SORCS1: variants seen among roughly 807,000 people sequenced by gnomAD.
SORCS1 encodes the protein sortilin related VPS10 domain containing receptor 1.
SORCS1 carries 60 observed loss-of-function variants against 146.1 expected under a neutral mutation model. The ratio of observed to expected loss-of-function variants is 0.41; its 90% CI spans 0.33 to 0.51. The LOEUF (loss-of-function observed/expected upper bound fraction) is 0.51, where lower values mean the gene tolerates loss of function less well. Ranked by LOEUF, SORCS1 falls within the 20% of genes least tolerant of loss-of-function variation. The pLI, the probability that SORCS1 is intolerant of heterozygous loss-of-function variation, is 0.21. For missense variants in SORCS1, 1,352 were observed against 1,487.6 expected, an observed-to-expected ratio of 0.91 and a Z score of 1.50; for synonymous variants, 637 against 584.0, an observed-to-expected ratio of 1.09 and a Z score of -1.31.
At chr10:106,935,445 GTTGACCTGTCTGGGTCTACCT>G (rs904796679) in intron 2 of SORCS1, among the ~76,000 whole-genome samples, 5 of 152,044 alleles carry the variant, frequency 3.3e-5, no homozygotes, top group African/African-American at 1.2e-4. Context: ...ATGATAGTGG[GTTGACCTGTCTGGGTCTACCT>G]GCAGTCAACC....
At position 106,671,256 on chromosome 10, in the gene SORCS1, T is replaced by C. The variant is rs1244628156; in HGVS notation, c.2170A>G (p.Thr724Ala). 1.2e-6 allele frequency: 2 copies of C among 1,614,178 alleles called. No homozygotes were observed. The highest frequency in any genetic ancestry group is 1.7e-6 in the Non-Finnish European group (2 of 1,179,994). Reference sequence around the variant, plus strand: ...GCTCACCAATCAAAATCAGCCTCAGTGCAGACACAGGGTTCAGATTCCATA... The same window carrying C: ...GCTCACCAATCAAAATCAGCCTCAGCGCAGACACAGGGTTCAGATTCCATA... ...GAMESEPCVC[T>A]EADFDCDYGY... The change falls in exon 16 of 26, where the codon ACT (threonine) becomes GCT (alanine). Residue 724 changes from threonine to alanine, a missense_variant. By Grantham distance (58) the Thr-to-Ala change is moderately conservative (BLOSUM62 0). Coordinates refer to ENST00000263054, the MANE Select transcript of SORCS1 (RefSeq NM_052918.5).
At chr10:106,804,294 CT>C (rs1357871006) in intron 3 of SORCS1, among the ~76,000 whole-genome samples, 2 of 151,710 alleles carry the variant, frequency 1.3e-5, no homozygotes, top group African/African-American at 4.8e-5. Context: ...GATTGCATGA[CT>C]GCACTCTAGA....
intron 1 of SORCS1, among the ~76,000 whole-genome samples, chr10:106,962,746 C>G (rs1036271353): frequency 2.6e-5 from 4 of 152,188 alleles, no homozygotes; most frequent in Admixed American, 6.5e-5. Context: ...CTCCACAGCA[C>G]TTAGCCATAC....
intron 1 of SORCS1, among the ~76,000 whole-genome samples, chr10:107,058,781 C>T (rs948350324): frequency 1.3e-5 from 2 of 152,234 alleles, no homozygotes; most frequent in Admixed American, 6.5e-5. Flanking sequence ...TTACTAAATA[C>T]CATTATATGA....
chr10:106,657,690 TA>T (rs950429922), intron 17 of SORCS1, among the ~76,000 whole-genome samples: 3 of 147,780 alleles, frequency 2.0e-5, no homozygotes, highest in South Asian at 2.1e-4. Context: ...TGTGTGTGTG[TA>T]TTTTTTTCAA....
Position 106,732,830 on chromosome 10 carries a change from A to G in SORCS1, c.960-2716T>C, listed in dbSNP as rs889752490. On this transcript the variant is annotated intron_variant, in intron 5 of 25. Coordinates refer to ENST00000263054, the MANE Select transcript of SORCS1 (RefSeq NM_052918.5). The stretch of plus-strand genomic sequence containing the variant: ...CCCACTGCCTTATCAACAAACAAAA[A>G]ACAGGCAAGGCCAGGTGCAGTGGCT... 2.0e-5 allele frequency among the ~76,000 whole-genome samples: 3 copies of G among 152,312 alleles called. No homozygotes were observed. In the South Asian group the frequency reaches 6.2e-4, roughly 32 times the overall value.
At chr10:107,154,416 G>A (rs1366156838) in intron 1 of SORCS1, among the ~76,000 whole-genome samples, 2 of 151,938 alleles carry the variant, frequency 1.3e-5, no homozygotes, top group African/African-American at 4.8e-5. Context: ...GGTATTTTGT[G>A]GACAGTTTCC....
At chr10:106,924,033 T>G (rs1476265152) in intron 2 of SORCS1, among the ~76,000 whole-genome samples, 1 of 152,104 alleles carries the variant, frequency 6.6e-6, no homozygotes, top group Non-Finnish European at 1.5e-5. Flanking sequence ...CAAGGGCAGA[T>G]CATCTGAGGT....
intron 1 of SORCS1, among the ~76,000 whole-genome samples, chr10:107,116,825 T>A (rs1176467011): frequency 6.6e-6 from 1 of 152,232 alleles, no homozygotes; most frequent in Non-Finnish European, 1.5e-5. Flanking sequence ...TGAGTATATA[T>A]GATTTTTATT....
rs917161288 is a variant in SORCS1, at chr10:107,060,573, A to C, written c.558+103396T>G. Among the ~76,000 whole-genome samples the C allele has an allele frequency of 6.6e-6, 1 of 152,138 alleles. No individual in the cohort carries two copies. Among genetic ancestry groups the C allele is most frequent in the Non-Finnish European group, 1.5e-5 (1 of 68,024 alleles). On this transcript the variant is annotated intron_variant, in intron 1 of 25. Transcript: ENST00000263054. This position sits in a 1 kb window ranked among gnomAD's most constrained non-coding sequence, Gnocchi z 4.1. Reference sequence around the variant, plus strand: ...GGCCTCAAGGACCTTCCTTGGGATCAAAGTCATTTTTCTGTGCTCAGGAAA... The same window carrying C: ...GGCCTCAAGGACCTTCCTTGGGATCCAAGTCATTTTTCTGTGCTCAGGAAA...
At chr10:107,131,909 C>A (rs150967587) in intron 1 of SORCS1, among the ~76,000 whole-genome samples, 1 of 152,280 alleles carries the variant, frequency 6.6e-6, no homozygotes, top group East Asian at 1.9e-4. Context: ...CTTTCCACTT[C>A]TTTCTTGTCC....
chr10:106,801,591 G>C (rs1006033325), intron 3 of SORCS1, among the ~76,000 whole-genome samples: 10 of 149,178 alleles, frequency 6.7e-5, no homozygotes, highest in Admixed American at 1.3e-4. Context: ...TGCAGTGGTG[G>C]GATCTCGGCT....
intron 2 of SORCS1, among the ~76,000 whole-genome samples, chr10:106,953,371 T>C (rs536565417): frequency 1.3e-5 from 2 of 152,258 alleles, no homozygotes; most frequent in East Asian, 1.9e-4. Context: ...AAATAAAATA[T>C]AAATATTATG....
chr10:106,766,624 C>G (rs369243901), intron 4 of SORCS1, among the ~76,000 whole-genome samples: 10 of 152,276 alleles, frequency 6.6e-5, no homozygotes, highest in East Asian at 3.9e-4. Context: ...TCACTAAGAG[C>G]TGACACAAGT....
intron 18 of SORCS1, among the ~76,000 whole-genome samples, chr10:106,641,038 A>C (rs1254982398): frequency 6.6e-6 from 1 of 152,180 alleles, no homozygotes; most frequent in African/African-American, 2.4e-5. Context: ...CTGGGATGGA[A>C]GTACGACTGC....
chr10:106,979,096 G>A (rs1462431029), intron 1 of SORCS1, among the ~76,000 whole-genome samples: 2 of 152,136 alleles, frequency 1.3e-5, no homozygotes, highest in African/African-American at 4.8e-5. Flanking sequence ...AGGGTGGTGG[G>A]AGTTGAAATG....
chr10:106,728,964 T>C (rs1249831933), intron 6 of SORCS1, among the ~76,000 whole-genome samples: 3 of 152,168 alleles, frequency 2.0e-5, no homozygotes, highest in African/African-American at 7.2e-5. Context: ...CTCTTCTATA[T>C]ACAGTTTCCC....
rs35816216 is a variant in SORCS1 at position 106,943,651 on chromosome 10, C to CAA, written c.626+12860_626+12861dup. On this transcript the variant is annotated intron_variant, in intron 2 of 25. Transcript: ENST00000263054. Reference sequence around the variant, plus strand: ...TGAAACCCCATCTCTACTAAAAATACAAAAAAAAAATAGCCGGGCATGGTG... The same window carrying CAA: ...TGAAACCCCATCTCTACTAAAAATACAAAAAAAAAAAATAGCCGGGCATGGTG... Among the ~76,000 whole-genome samples, 248 of 148,104 alleles carry CAA rather than the reference C, an allele frequency of 1.7e-3. 4 individuals are homozygous for CAA. Among genetic ancestry groups the CAA allele is most frequent in the Middle Eastern group, 6.8e-3 (2 of 292 alleles).
chr10:106,924,583 A>C (rs11193107), intron 2 of SORCS1, among the ~76,000 whole-genome samples: 154 of 152,010 alleles, frequency 1.0e-3, no homozygotes, highest in African/African-American at 3.4e-3. Flanking sequence ...ATTGAAAAGA[A>C]AGGAAGCGTA....
Sources: gnomAD v4.1 joint callset for allele counts (sites outside exome capture counted in the v4.1 genomes callset) on GRCh38, gnomAD v4.1.1 for gene constraint, Gnocchi (gnomAD v3.1) non-coding constraint, MANE v1.5 for transcripts, NCBI Gene and HGNC (gene_info 2026-07-23, HGNC 2026-07-21) for gene names.